The following ESPNL variants were observed in gnomAD, a reference collection of about 807,000 sequenced individuals.
ESPNL encodes espin like.
In ESPNL, 49 loss-of-function variants were observed where a neutral mutation model predicts 46.8. That is an observed-to-expected ratio of 1.05 (90% CI 0.83 to 1.33). The LOEUF is 1.33. Ranked by LOEUF, ESPNL falls within the 40% of genes most tolerant of loss-of-function variation. ESPNL has a pLI of 0.00. For synonymous variants in ESPNL, 664 were observed against 662.1 expected, an observed-to-expected ratio of 1.00 and a Z score of -0.04; for missense variants, 1,540 against 1,436.6, an observed-to-expected ratio of 1.07 and a Z score of -1.16.
Position 238,131,831 on chromosome 2 carries a change from G to C in ESPNL, c.*99G>C. 1 of 1,352,524 alleles carries C rather than the reference G, an allele frequency of 7.4e-7. No individual in the cohort carries two copies. Among genetic ancestry groups the C allele is most frequent in the Middle Eastern group, 2.0e-4 (1 of 5,040 alleles). 83.8% of individuals were successfully genotyped at this position (1,352,524 alleles called of 1,614,324 possible). A position where few individuals can be genotyped will look rare whatever the true frequency, so the allele number is the denominator to read the frequency against. On this transcript the variant is annotated 3_prime_UTR_variant, in exon 9 of 9. Coordinates refer to ENST00000343063, the MANE Select transcript of ESPNL (RefSeq NM_194312.4). Reference sequence around the variant, plus strand: ...CACCCTTGGTGTTCAGGTGAGCCGGGCAAGGCTGCCTCCAGTCCTACCAGT... The same window carrying C: ...CACCCTTGGTGTTCAGGTGAGCCGGCCAAGGCTGCCTCCAGTCCTACCAGT...
Position 238,130,593 on chromosome 2 carries a change from G to A in ESPNL, c.1879G>A (p.Asp627Asn). Residue 627 changes from aspartate (D) to asparagine (N), a missense_variant, in exon 9 of 9, where the codon GAC (aspartate) becomes AAC (asparagine). Coordinates refer to ENST00000343063, the MANE Select transcript of ESPNL (RefSeq NM_194312.4). ...GAAGCCATCCACCCGGCCCCTGCAG[G>A]ACACCTGCAGGGAGGCCTCGGCCAG... ...DEKPSTRPLQ[D>N]TCREASASPP... 1 of 1,569,918 alleles carries A rather than the reference G, an allele frequency of 6.4e-7. No homozygotes were observed. The highest frequency in any genetic ancestry group is 1.7e-4 in the Middle Eastern group (1 of 5,986).
Position 238,130,439 on chromosome 2 carries a change from G to A in ESPNL, c.1725G>A (p.Gly575=), listed in dbSNP as rs746257565. 3 of 1,605,490 alleles carry A rather than the reference G, an allele frequency of 1.9e-6. No homozygotes were observed. Among genetic ancestry groups the A allele is most frequent in the African/African-American group, 1.3e-5 (1 of 74,984 alleles). The part of the protein sequence containing the change: ...EASIPAAEPA[G]SAEASEVAPG... The stretch of plus-strand genomic sequence containing the variant: ...CAATCCCAGCGGCTGAGCCCGCAGG[G>A]TCTGCGGAGGCCTCAGAGGTGGCCC... The change falls in exon 9 of 9, where the codon GGG becomes GGA. Residue 575 remains glycine (G), a synonymous_variant. Coordinates refer to ENST00000343063, the MANE Select transcript of ESPNL (RefSeq NM_194312.4).
rs1364794235 is a variant in ESPNL at position 238,117,043 on chromosome 2, C to T, written c.987+9C>T. 1 of 1,604,548 alleles carries T rather than the reference C, an allele frequency of 6.2e-7. No homozygotes were observed. Among genetic ancestry groups the T allele is most frequent in the Non-Finnish European group, 8.5e-7 (1 of 1,176,240 alleles). ...GGGAGGTGGCCCAGCCGGTAAGGCTCAGGGTCCCCAGCTGCCCTGGAGGCA... is the reference window on the plus strand; with the variant it reads ...GGGAGGTGGCCCAGCCGGTAAGGCTTAGGGTCCCCAGCTGCCCTGGAGGCA... On this transcript the variant is annotated intron_variant, in intron 5 of 8. Transcript: ENST00000343063.
chr2:238,102,186 G>A, intron 2 of ESPNL, 55 bp downstream of exon 2: 2 of 1,440,908 alleles, frequency 1.4e-6, no homozygotes, highest in Non-Finnish European at 1.9e-6. Flanking sequence ...CTGGCCAAGG[G>A]GAGGCTGCAC....
Position 238,119,525 on chromosome 2 carries a change from A to AGATGGAGGAGGTG in ESPNL, c.987+2509_987+2521dup, listed in dbSNP as rs1158308150. Among the ~76,000 whole-genome samples, 92 of 41,152 alleles carry AGATGGAGGAGGTG rather than the reference A, an allele frequency of 2.2e-3. No homozygotes were observed. In the Admixed American group the frequency reaches 0.026, roughly 11 times the overall value. The allele number at this position is 41,152 out of a possible 152,430, so 27.0% of individuals were successfully genotyped here. A position where few individuals can be genotyped will look rare whatever the true frequency, so the allele number is the denominator to read the frequency against. ...ATGGAGGAGGTGGGTGGAGGAGGGG[A>AGATGGAGGAGGTG]GATGGAGGAGGTGGATGGAGGAGGT... On this transcript the variant is annotated intron_variant, in intron 5 of 8. Transcript: ENST00000343063.
intron 2 of ESPNL, among the ~76,000 whole-genome samples, chr2:238,103,843 TC>T (rs1424524063): frequency 6.6e-6 from 1 of 152,036 alleles, no homozygotes; most frequent in East Asian, 1.9e-4. Context: ...GCCACCAAGG[TC>T]CTGTGTCCCC....
At chr2:238,116,112 G>A (rs933543375) in intron 4 of ESPNL, among the ~76,000 whole-genome samples, 11 of 152,228 alleles carry the variant, frequency 7.2e-5, no homozygotes, top group Non-Finnish European at 1.6e-4. Flanking sequence ...GTTCGTTTTT[G>A]TGTTTCCCTG....
chr2:238,107,029 G>T (rs1056341559), intron 3 of ESPNL, among the ~76,000 whole-genome samples: 1 of 152,260 alleles, frequency 6.6e-6, no homozygotes, highest in Non-Finnish European at 1.5e-5. Context: ...GGGAAAGCGG[G>T]CACACTCAAG....
intron 8 of ESPNL, among the ~76,000 whole-genome samples, chr2:238,129,875 T>C (rs1692244515): frequency 6.6e-6 from 1 of 152,228 alleles, no homozygotes; most frequent in African/African-American, 2.4e-5. Flanking sequence ...GACAGCCCTG[T>C]CTGAGGGCCC....
chr2:238,129,196 C>G, intron 8 of ESPNL: 2 of 1,328,816 alleles, frequency 1.5e-6, no homozygotes, highest in Non-Finnish European at 1.9e-6. Context: ...TTCCTGGGCG[C>G]AGCGTCTAGC....
chr2:238,131,451 C>T lies in ESPNL; in HGVS notation c.2737C>T (p.Arg913Trp), dbSNP rs530502227. ...GACCGACGAGGTGGCCGCCGGCCGC[C>T]GGGCCTGGACCGACGGCTTCGAGGA... is the stretch of plus-strand genomic sequence containing the variant. ...AVTDEVAAGR[R>W]AWTDGFEDIK... The change falls in exon 9 of 9, where the codon CGG becomes TGG. Residue 913 changes from arginine (R) to tryptophan (W), a missense_variant. Transcript: ENST00000343063. The T allele has an allele frequency of 3.0e-5, 48 of 1,610,120 alleles. No individual in the cohort carries two copies. Among genetic ancestry groups the T allele is most frequent in the Middle Eastern group, 1.7e-4 (1 of 6,050 alleles).
intron 5 of ESPNL, among the ~76,000 whole-genome samples, chr2:238,125,056 G>A (rs1219004117): frequency 1.3e-5 from 2 of 152,120 alleles, no homozygotes; most frequent in Admixed American, 6.5e-5. Flanking sequence ...CCAAGGTGGG[G>A]TGCCAGGAAG....
intron 2 of ESPNL, among the ~76,000 whole-genome samples, 196 bp from the exon 3 acceptor site, chr2:238,104,460 A>G (rs1691549616): frequency 6.6e-6 from 1 of 152,236 alleles, no homozygotes; most frequent in African/African-American, 2.4e-5. Flanking sequence ...AGAAAAGGAC[A>G]GGATAGGAGA....
intron 5 of ESPNL, among the ~76,000 whole-genome samples, chr2:238,118,663 G>A (rs1380976109): frequency 6.9e-6 from 1 of 144,122 alleles, no homozygotes; most frequent in Non-Finnish European, 1.5e-5. Context: ...GGTTGGAGGA[G>A]GGTGGATGGA....
intron 5 of ESPNL, among the ~76,000 whole-genome samples, chr2:238,124,641 G>A (rs1692059477): frequency 6.8e-6 from 1 of 147,730 alleles, no homozygotes; most frequent in Non-Finnish European, 1.5e-5. Context: ...GTGCAGGAGA[G>A]TGTACGTGCA....
intron 1 of ESPNL, 43 bp from the exon 2 acceptor site, chr2:238,101,893 GACCTC>G: frequency 6.8e-7 from 1 of 1,466,878 alleles, no homozygotes; most frequent in Non-Finnish European, 9.3e-7. Context: ...AGCTGGCTCT[GACCTC>G]ACGGCCTACC....
chr2:238,112,524 A>G (rs1691736282), intron 4 of ESPNL, among the ~76,000 whole-genome samples: 1 of 152,084 alleles, frequency 6.6e-6, no homozygotes, highest in Non-Finnish European at 1.5e-5. Flanking sequence ...TTTTTATTTC[A>G]TTAATTTCTG....
intron 6 of ESPNL, among the ~76,000 whole-genome samples, chr2:238,126,370 G>C (rs200391978): frequency 1.1e-4 from 16 of 149,792 alleles, no homozygotes; most frequent in South Asian, 4.2e-4. Flanking sequence ...GTCTGTGTGT[G>C]TCTTTGTGAT....
rs758009145 is a variant in ESPNL at position 238,116,983 on chromosome 2, G to A, written c.936G>A (p.Glu312=). 2 of 1,612,554 alleles carry A rather than the reference G, an allele frequency of 1.2e-6. No homozygotes were observed. The highest frequency in any genetic ancestry group is 1.7e-6 in the Non-Finnish European group (2 of 1,179,792). ...GTTACACGGCGGCAGACCTGGCGGA[G>A]TACCATGGACACCGGGACTGCGCCC... ...EDGYTAADLA[E]YHGHRDCAQY... is the part of the protein sequence containing the mutation. The change falls in exon 5 of 9, where the codon GAG becomes GAA. Residue 312 remains glutamate, a synonymous_variant. Coordinates refer to ENST00000343063, the MANE Select transcript of ESPNL (RefSeq NM_194312.4).
Sources: allele counts gnomAD v4.1 joint callset (sites outside exome capture counted in the v4.1 genomes callset), GRCh38; gene constraint gnomAD v4.1.1; transcripts MANE v1.5; gene names NCBI Gene and HGNC (gene_info 2026-07-23, HGNC 2026-07-21).